ZNF804A: variants seen among roughly 807,000 people sequenced by gnomAD.
ZNF804A encodes the protein zinc finger protein 804A.
ZNF804A carries 2 observed loss-of-function variants against 16.5 expected under a neutral mutation model. The observed-to-expected ratio is 0.12, with a 90% CI of 0.05 to 0.38. The LOEUF (loss-of-function observed/expected upper bound fraction) is 0.38, where lower values mean the gene tolerates loss of function less well. Ranked by LOEUF, ZNF804A falls within the 10% of genes least tolerant of loss-of-function variation. The pLI, the probability that ZNF804A is intolerant of heterozygous loss-of-function variation, is 0.99. For missense variants in ZNF804A, 1,473 were observed against 1,390.7 expected, an observed-to-expected ratio of 1.06 and a Z score of -0.94; for synonymous variants, 534 against 489.6, an observed-to-expected ratio of 1.09 and a Z score of -1.20.
At chr2:184,770,214 T>G (rs924430681) in intron 1 of ZNF804A, among the ~76,000 whole-genome samples, 1 of 152,106 alleles carries the variant, frequency 6.6e-6, no homozygotes, top group African/African-American at 2.4e-5. Context: ...GAAGTTATAG[T>G]AACAAATTGT....
At chr2:184,636,946 C>T (rs1445334817) in intron 1 of ZNF804A, among the ~76,000 whole-genome samples, 1 of 152,044 alleles carries the variant, frequency 6.6e-6, no homozygotes, top group Non-Finnish European at 1.5e-5. Flanking sequence ...TATTTCAGCT[C>T]AGAATAACTT....
chr2:184,776,372 GA>G (rs1183262714), intron 1 of ZNF804A, among the ~76,000 whole-genome samples: 1 of 151,310 alleles, frequency 6.6e-6, no homozygotes, highest in Non-Finnish European at 1.5e-5. Flanking sequence ...AGTATAGATA[GA>G]AAAAAATCTA....
In ZNF804A at chr2:184,936,741, A is replaced by G. The variant is rs557595987; in HGVS notation, c.1345A>G (p.Thr449Ala). The G allele has an allele frequency of 1.2e-6, 2 of 1,613,886 alleles. No individual in the cohort carries two copies. Among genetic ancestry groups the G allele is most frequent in the East Asian group, 4.5e-5 (2 of 44,864 alleles). ...WPSEMLVYTT[T>A]KPSISYSCNP... is the part of the protein sequence containing the mutation. The stretch of plus-strand genomic sequence containing the variant: ...ATCAGAAATGCTGGTTTATACAACT[A>G]CGAAACCATCAATTTCCTATAGCTG... Residue 449 changes from threonine to alanine, a missense_variant, in exon 4 of 4, where the codon ACG becomes GCG. By Grantham distance (58) the Thr-to-Ala change is moderately conservative. Coordinates refer to ENST00000302277, the MANE Select transcript of ZNF804A (RefSeq NM_194250.2).
intron 1 of ZNF804A, among the ~76,000 whole-genome samples, chr2:184,803,687 T>C (rs1293355531): frequency 6.6e-6 from 1 of 152,168 alleles, no homozygotes; most frequent in Non-Finnish European, 1.5e-5. Flanking sequence ...TTTAAAACAA[T>C]TGCAATTTAA....
At chr2:184,715,517 A>G (rs562120749) in intron 1 of ZNF804A, among the ~76,000 whole-genome samples, 14 of 152,134 alleles carry the variant, frequency 9.2e-5, no homozygotes, top group Admixed American at 4.6e-4. Flanking sequence ...TCCCACATAT[A>G]GCTAGGACTA....
chr2:184,879,469 A>G (rs991495116), intron 2 of ZNF804A, among the ~76,000 whole-genome samples: 21 of 151,952 alleles, frequency 1.4e-4, no homozygotes, highest in Admixed American at 1.4e-3. Context: ...AAGCATACCA[A>G]CCGTGCACCT....
At chr2:184,925,820 A>C (rs1261867721) in intron 2 of ZNF804A, among the ~76,000 whole-genome samples, 1 of 152,042 alleles carries the variant, frequency 6.6e-6, no homozygotes, top group Non-Finnish European at 1.5e-5. Context: ...TGAGCAAACA[A>C]GCAAAAATAA....
At chr2:184,750,008 A>G (rs979726488) in intron 1 of ZNF804A, among the ~76,000 whole-genome samples, 2 of 151,428 alleles carry the variant, frequency 1.3e-5, no homozygotes, top group African/African-American at 4.8e-5. Flanking sequence ...TTCTGAAATA[A>G]TTCATAATAC....
At chr2:184,644,284 A>G (rs764103079) in intron 1 of ZNF804A, among the ~76,000 whole-genome samples, 94 of 151,852 alleles carry the variant, frequency 6.2e-4, no homozygotes, top group Non-Finnish European at 9.7e-4. Context: ...TTGAAGTGCA[A>G]TTGAAAGGAA....
chr2:184,683,950 T>G (rs1692583874), intron 1 of ZNF804A, among the ~76,000 whole-genome samples: 1 of 152,212 alleles, frequency 6.6e-6, no homozygotes. Context: ...GTGGTATATG[T>G]CTGTTTTATG....
chr2:184,609,031 G>T (rs1461464190), intron 1 of ZNF804A, among the ~76,000 whole-genome samples: 1 of 152,206 alleles, frequency 6.6e-6, no homozygotes, highest in Non-Finnish European at 1.5e-5. Flanking sequence ...CGAATTCAAG[G>T]AGGACATAGT....
chr2:184,627,667 T>C (rs926024372), intron 1 of ZNF804A, among the ~76,000 whole-genome samples: 1 of 152,230 alleles, frequency 6.6e-6, no homozygotes, highest in African/African-American at 2.4e-5. Flanking sequence ...AAATATACTA[T>C]TTAAATAATT....
intron 2 of ZNF804A, among the ~76,000 whole-genome samples, chr2:184,928,367 T>C (rs546748988): frequency 6.6e-6 from 1 of 152,064 alleles, no homozygotes; most frequent in African/African-American, 2.4e-5. Context: ...CAAGACAAAG[T>C]CCTCCCTGCT....
chr2:184,866,916 C>A (rs1456183380), intron 2 of ZNF804A, among the ~76,000 whole-genome samples: 2 of 150,306 alleles, frequency 1.3e-5, no homozygotes. Flanking sequence ...ATATATTTAT[C>A]AAAGTTAAAT....
At chr2:184,786,061 T>A (rs918993797) in intron 1 of ZNF804A, among the ~76,000 whole-genome samples, 1 of 152,004 alleles carries the variant, frequency 6.6e-6, no homozygotes, top group Admixed American at 6.6e-5. Flanking sequence ...AATATGGAAC[T>A]GTAAAGTCAA....
At chr2:184,774,157 T>G (rs1175394196) in intron 1 of ZNF804A, among the ~76,000 whole-genome samples, 1 of 151,916 alleles carries the variant, frequency 6.6e-6, no homozygotes, top group Non-Finnish European at 1.5e-5. Flanking sequence ...ATGTATATAG[T>G]GTGGGGAATT....
intron 1 of ZNF804A, among the ~76,000 whole-genome samples, chr2:184,751,476 G>A (rs1693877575): frequency 6.6e-6 from 1 of 151,306 alleles, no homozygotes; most frequent in Non-Finnish European, 1.5e-5. Flanking sequence ...CTTGGATATG[G>A]CACCAAAGAC....
intron 2 of ZNF804A, among the ~76,000 whole-genome samples, chr2:184,910,905 T>G (rs116646985): frequency 0.056 from 8,535 of 152,102 alleles, 815 homozygotes; most frequent in African/African-American, 0.19. Flanking sequence ...TTTGTAAATA[T>G]TTTCTCCCAT....
chr2:184,613,490 T>A (rs924701149), intron 1 of ZNF804A, among the ~76,000 whole-genome samples: 1 of 152,126 alleles, frequency 6.6e-6, no homozygotes, highest in African/African-American at 2.4e-5. Flanking sequence ...ATACCAGAGG[T>A]CTGAAAATCA....
Sources: gnomAD v4.1 joint callset for allele counts (sites outside exome capture counted in the v4.1 genomes callset) on GRCh38, gnomAD v4.1.1 for gene constraint, MANE v1.5 for transcripts, NCBI Gene and HGNC (gene_info 2026-07-23, HGNC 2026-07-21) for gene names.